CACNB2: variants seen among roughly 807,000 people sequenced by gnomAD.
The protein encoded by CACNB2 is calcium voltage-gated channel auxiliary subunit beta 2.
A neutral mutation model predicts 73.3 loss-of-function variants in CACNB2; 42 were observed. The observed-to-expected ratio is 0.57, with a 90% CI of 0.45 to 0.74. CACNB2 has a LOEUF of 0.74. Ranked by LOEUF, CACNB2 falls within the 30% of genes least tolerant of loss-of-function variation. CACNB2 has a pLI of 0.00. For missense variants in CACNB2, 940 were observed against 853.0 expected (o/e 1.10, Z -1.27); for synonymous variants, 348 against 310.3 (o/e 1.12, Z -1.28).
intron 2 of CACNB2, among the ~76,000 whole-genome samples, chr10:18,305,494 G>A (rs1336172087): frequency 2.0e-5 from 3 of 152,120 alleles, no homozygotes; most frequent in Non-Finnish European, 2.9e-5. Context: ...ACAAATCCTC[G>A]AAATCTGCAA....
At chr10:18,190,251 A>G (rs1169227514) in intron 2 of CACNB2, among the ~76,000 whole-genome samples, 1 of 152,206 alleles carries the variant, frequency 6.6e-6, no homozygotes, top group Non-Finnish European at 1.5e-5. Context: ...ATCCAGTAAT[A>G]CAGATACAAT....
At chr10:18,355,482 G>A (rs1476044457) in intron 2 of CACNB2, among the ~76,000 whole-genome samples, 2 of 151,504 alleles carry the variant, frequency 1.3e-5, no homozygotes, top group African/African-American at 4.8e-5. Flanking sequence ...TCACACAAAT[G>A]ATTACGACAC....
At chr10:18,350,736 C>T (rs1467940931) in intron 2 of CACNB2, among the ~76,000 whole-genome samples, 1 of 152,164 alleles carries the variant, frequency 6.6e-6, no homozygotes, top group African/African-American at 2.4e-5. Context: ...GAAAATCACC[C>T]CATGGGTGTG....
intron 10 of CACNB2, among the ~76,000 whole-genome samples, chr10:18,532,412 G>A (rs1338800431): frequency 5.3e-5 from 8 of 151,894 alleles, no homozygotes; most frequent in South Asian, 2.1e-4. Flanking sequence ...AGTGGCTCAC[G>A]CCTGTAATGC....
intron 2 of CACNB2, among the ~76,000 whole-genome samples, chr10:18,211,455 A>G (rs2035313902): frequency 6.6e-6 from 1 of 152,232 alleles, no homozygotes; most frequent in African/African-American, 2.4e-5. Flanking sequence ...TTACATACCT[A>G]TCACCCAGCT....
intron 2 of CACNB2, among the ~76,000 whole-genome samples, chr10:18,259,818 G>A (rs1435640047): frequency 2.6e-5 from 4 of 151,950 alleles, no homozygotes; most frequent in African/African-American, 9.7e-5. Flanking sequence ...TGGGAGGACT[G>A]CCTGAGCAAG....
At chr10:18,265,599 T>C (rs2037761158) in intron 2 of CACNB2, among the ~76,000 whole-genome samples, 1 of 152,218 alleles carries the variant, frequency 6.6e-6, no homozygotes, top group African/African-American at 2.4e-5. Context: ...GACAGAGATA[T>C]ATACAAATGG....
chr10:18,385,366 C>A (rs949615032), intron 2 of CACNB2, among the ~76,000 whole-genome samples: 4 of 80,552 alleles, frequency 5.0e-5, no homozygotes, highest in Admixed American at 3.5e-4. Flanking sequence ...TTTGTAATAC[C>A]CCCCCCCCTC....
At position 18,498,605 on chromosome 10, in the gene CACNB2, A is replaced by G. The variant is rs189864064; in HGVS notation, c.456+128A>G. 11 of 935,364 alleles carry G rather than the reference A, an allele frequency of 1.2e-5. No individual in the cohort carries two copies. The African/African-American group carries it at 1.5e-4, about 12-fold the overall frequency. 57.9% of individuals were successfully genotyped at this position (935,364 alleles called of 1,614,324 possible). A position where few individuals can be genotyped will look rare whatever the true frequency, so the allele number is the denominator to read the frequency against. On this transcript the variant is annotated intron_variant, in intron 4 of 13. Coordinates refer to ENST00000324631, the MANE Select transcript of CACNB2 (RefSeq NM_201596.3). Reference sequence around the variant, plus strand: ...TCGCTGCAGTTGTATAACACACATAACTAAATCAATGGCTCTCAACCTCTG... The same window carrying G: ...TCGCTGCAGTTGTATAACACACATAGCTAAATCAATGGCTCTCAACCTCTG...
intron 3 of CACNB2, among the ~76,000 whole-genome samples, chr10:18,411,009 A>G (rs1185070753): frequency 6.6e-6 from 1 of 152,148 alleles, no homozygotes; most frequent in Admixed American, 6.6e-5. Context: ...ATAAAAATCC[A>G]GCAGCGATAC....
At chr10:18,533,994 C>G in intron 10 of CACNB2, 82 bp from the exon 11 acceptor site, 4 of 1,359,962 alleles carry the variant, frequency 2.9e-6, no homozygotes, top group Non-Finnish European at 4.2e-6. Flanking sequence ...GACCTACTCA[C>G]CTTTCTGTTG....
chr10:18,453,232 A>G (rs2047100317), intron 3 of CACNB2, among the ~76,000 whole-genome samples: 1 of 152,134 alleles, frequency 6.6e-6, no homozygotes, highest in African/African-American at 2.4e-5. Context: ...TAACACTTAA[A>G]TTGGATCCTG....
intron 2 of CACNB2, among the ~76,000 whole-genome samples, chr10:18,297,299 C>T (rs2039318296): frequency 6.6e-6 from 1 of 152,228 alleles, no homozygotes; most frequent in Admixed American, 6.5e-5. Context: ...AATCCCAGCA[C>T]TTTGGGAGGC....
intron 2 of CACNB2, among the ~76,000 whole-genome samples, chr10:18,376,343 G>C (rs1339420834): frequency 6.6e-6 from 1 of 152,154 alleles, no homozygotes; most frequent in Non-Finnish European, 1.5e-5. Context: ...ATGTACCAGA[G>C]ACTGGGAAAG....
At chr10:18,383,314 T>C (rs916186600) in intron 2 of CACNB2, among the ~76,000 whole-genome samples, 1 of 152,136 alleles carries the variant, frequency 6.6e-6, no homozygotes, top group Non-Finnish European at 1.5e-5. Context: ...AATGAAACGA[T>C]CTGCTGTATG....
intron 3 of CACNB2, among the ~76,000 whole-genome samples, chr10:18,410,600 G>C (rs770322490): frequency 6.6e-6 from 1 of 152,138 alleles, no homozygotes; most frequent in African/African-American, 2.4e-5. Flanking sequence ...TCTATAATGC[G>C]TATGTTCTTA....
intron 3 of CACNB2, among the ~76,000 whole-genome samples, chr10:18,467,354 C>T (rs1205620802): frequency 6.6e-6 from 1 of 152,184 alleles, no homozygotes; most frequent in Non-Finnish European, 1.5e-5. Context: ...CACTTGAAGA[C>T]TGTCTGTGTT....
chr10:18,173,617 G>C (rs141320237), intron 2 of CACNB2, among the ~76,000 whole-genome samples: 60 of 152,242 alleles, frequency 3.9e-4, no homozygotes, highest in African/African-American at 1.4e-3. Context: ...ACAATATCAA[G>C]TTTGTGGTTT....
intron 2 of CACNB2, among the ~76,000 whole-genome samples, chr10:18,221,801 G>A (rs2035803325): frequency 6.6e-6 from 1 of 152,158 alleles, no homozygotes; most frequent in Non-Finnish European, 1.5e-5. Flanking sequence ...CTCTCCTCTA[G>A]TATAGTTTTC....
Sources: gnomAD v4.1 joint callset for allele counts (sites outside exome capture counted in the v4.1 genomes callset) on GRCh38, gnomAD v4.1.1 for gene constraint, MANE v1.5 for transcripts, NCBI Gene and HGNC (gene_info 2026-07-23, HGNC 2026-07-21) for gene names.